Variants in ATP2C2 observed in about 807,000 individuals in gnomAD.
ATP2C2 encodes the protein calcium-transporting ATPase type 2C member 2.
In ATP2C2, 171 loss-of-function variants were observed where a neutral mutation model predicts 110.8. That is an observed-to-expected ratio of 1.54 (90% CI 1.36 to 1.75). ATP2C2 has a LOEUF of 1.75. ATP2C2 is among the 40% of genes most tolerant of loss of function. The pLI is 0.00. For missense variants in ATP2C2, 1,963 were observed against 1,235.0 expected (o/e 1.59, Z -8.84); for synonymous variants, 804 against 508.4 (o/e 1.58, Z -7.82).
chr16:84,410,234 C>A (rs1388837267), intron 4 of ATP2C2, among the ~76,000 whole-genome samples: 1 of 152,016 alleles, frequency 6.6e-6, no homozygotes. Context: ...GGGTAAGTTC[C>A]ACATCTGCTA....
At chr16:84,387,293 G>T (rs189950324) in intron 1 of ATP2C2, among the ~76,000 whole-genome samples, 5 of 152,192 alleles carry the variant, frequency 3.3e-5, no homozygotes, top group Admixed American at 1.3e-4. Context: ...AGGCCCAGGC[G>T]AGTGGATCAC....
chr16:84,375,688 C>A (rs1033070415), intron 1 of ATP2C2, among the ~76,000 whole-genome samples: 1 of 152,100 alleles, frequency 6.6e-6, no homozygotes. Flanking sequence ...AACAGGTGGT[C>A]GTAATTTCTT....
intron 6 of ATP2C2, among the ~76,000 whole-genome samples, chr16:84,413,106 A>C (rs1164122791): frequency 1.3e-5 from 2 of 152,028 alleles, no homozygotes; most frequent in Non-Finnish European, 2.9e-5. Flanking sequence ...CTCAAAAAAA[A>C]AAAAAAAAAG....
chr16:84,372,351 G>C (rs569406304), intron 1 of ATP2C2, among the ~76,000 whole-genome samples: 1 of 152,188 alleles, frequency 6.6e-6, no homozygotes, highest in Non-Finnish European at 1.5e-5. Flanking sequence ...TTAACCCAAG[G>C]CTTGCCCAAA....
At chr16:84,433,386 A>T (rs1469727664) in intron 11 of ATP2C2, among the ~76,000 whole-genome samples, 1 of 142,416 alleles carries the variant, frequency 7.0e-6, no homozygotes, top group African/African-American at 2.8e-5. Flanking sequence ...CTATCTTAAA[A>T]AACAAAAACA....
At chr16:84,443,693 CTG>C (rs1909477166) in intron 15 of ATP2C2, among the ~76,000 whole-genome samples, 1 of 152,194 alleles carries the variant, frequency 6.6e-6, no homozygotes. Flanking sequence ...TGTCCCATCA[CTG>C]AGCACCAGGG....
At chr16:84,421,423 T>A (rs1449990814) in intron 7 of ATP2C2, among the ~76,000 whole-genome samples, 2 of 152,182 alleles carry the variant, frequency 1.3e-5, no homozygotes, top group African/African-American at 4.8e-5. Flanking sequence ...TTAAATAGTT[T>A]TAAATTATAG....
At chr16:84,434,380 C>A (rs1402958408) in intron 11 of ATP2C2, among the ~76,000 whole-genome samples, 2 of 151,798 alleles carry the variant, frequency 1.3e-5, no homozygotes, top group Non-Finnish European at 2.9e-5. Flanking sequence ...TGCACCGCTG[C>A]ACTCCAGCCT....
At chr16:84,369,937 CT>C (rs1263046168) in intron 1 of ATP2C2, among the ~76,000 whole-genome samples, 1 of 152,216 alleles carries the variant, frequency 6.6e-6, no homozygotes, top group African/African-American at 2.4e-5. Flanking sequence ...AATTAATTGG[CT>C]GTGATCCATT....
At chr16:84,385,375 T>A (rs1042054213) in intron 1 of ATP2C2, among the ~76,000 whole-genome samples, 4 of 152,158 alleles carry the variant, frequency 2.6e-5, no homozygotes, top group African/African-American at 9.7e-5. Context: ...TGCAGTCACC[T>A]CCCACCAGGC....
intron 15 of ATP2C2, among the ~76,000 whole-genome samples, chr16:84,445,207 C>A (rs964119364): frequency 1.3e-4 from 19 of 148,872 alleles, no homozygotes; most frequent in East Asian, 1.2e-3. Context: ...GCAGCGTTTT[C>A]CTCTTTTTTT....
At chr16:84,420,632 T>G (rs1036677127) in intron 7 of ATP2C2, among the ~76,000 whole-genome samples, 10 of 152,172 alleles carry the variant, frequency 6.6e-5, no homozygotes, top group Non-Finnish European at 1.3e-4. Context: ...GAACCCATAT[T>G]GATGCCTTCT....
chr16:84,393,142 G>A (rs577025072), intron 1 of ATP2C2, among the ~76,000 whole-genome samples: 1 of 152,182 alleles, frequency 6.6e-6, no homozygotes, highest in Admixed American at 6.5e-5. Context: ...AGGGATGGGG[G>A]CCGTACCAGA....
At chr16:84,434,413 TCAAAAAA>T (rs1326869036) in intron 11 of ATP2C2, among the ~76,000 whole-genome samples, 2 of 151,770 alleles carry the variant, frequency 1.3e-5, no homozygotes, top group African/African-American at 2.4e-5. Context: ...AGACTCCATC[TCAAAAAA>T]CAAAAAACAA....
At position 84,452,180 on chromosome 16, in the gene ATP2C2, C is replaced by T. The variant is rs538184764; in HGVS notation, c.1831+89C>T. On this transcript the variant is annotated intron_variant, in intron 18 of 26. Transcript: ENST00000262429. ...GCTACCAAAGGGAAGCCTCCGCAAA[C>T]TCGGTCAGGAGTGCTCACGCCTAGC... 2.0e-6 allele frequency: 3 copies of T among 1,530,062 alleles called. No individual in the cohort carries two copies. In the East Asian group the frequency reaches 6.8e-5, roughly 35 times the overall value. The allele number at this position is 1,530,062 out of a possible 1,614,324, so 94.8% of individuals were successfully genotyped here.
At chr16:84,422,914 C>T (rs1797090770) in intron 9 of ATP2C2, among the ~76,000 whole-genome samples, 1 of 152,050 alleles carries the variant, frequency 6.6e-6, no homozygotes, top group South Asian at 2.1e-4. Flanking sequence ...ATCTGTCTGC[C>T]TCAGCCTCCC....
At chr16:84,440,831 AC>A (rs1399366887) in intron 13 of ATP2C2, 25 bp from the exon 14 acceptor site, 2 of 1,581,342 alleles carry the variant, frequency 1.3e-6, no homozygotes, top group East Asian at 2.2e-5. Flanking sequence ...TCTTGGCGAA[AC>A]CCTTTCTTCT....
In ATP2C2 at chr16:84,459,581, C is replaced by T. The variant is rs760080919; in HGVS notation, c.2333+195C>T. 49 of 1,536,152 alleles carry T rather than the reference C, an allele frequency of 3.2e-5. 1 individual carries two copies. Among genetic ancestry groups the T allele is most frequent in the Admixed American group, 2.9e-4 (15 of 51,020 alleles). ...AAGGCAGAGGAGAAAGTACCTGGGCCGGCAGAGCTGGGTGAGGATGGAACT... is the reference window on the plus strand; with the variant it reads ...AAGGCAGAGGAGAAAGTACCTGGGCTGGCAGAGCTGGGTGAGGATGGAACT... On this transcript the variant is annotated intron_variant, in intron 23 of 26. Coordinates refer to ENST00000262429, the MANE Select transcript of ATP2C2 (RefSeq NM_014861.4).
intron 26 of ATP2C2, 49 bp downstream of exon 26, chr16:84,462,178 G>A (rs767910871): frequency 3.8e-6 from 6 of 1,580,502 alleles, no homozygotes; most frequent in Non-Finnish European, 4.3e-6. Flanking sequence ...AGGGCCATGG[G>A]GGGCGGCAGC....
Sources: gnomAD v4.1 joint callset for allele counts (sites outside exome capture counted in the v4.1 genomes callset) on GRCh38, gnomAD v4.1.1 for gene constraint, MANE v1.5 for transcripts, NCBI Gene and HGNC (gene_info 2026-07-23, HGNC 2026-07-21) for gene names.